GLB1L2: variants seen among roughly 807,000 people sequenced by gnomAD.
GLB1L2 encodes beta-galactosidase-1-like protein 2.
In GLB1L2, 68 loss-of-function variants were observed where a neutral mutation model predicts 84.1. The observed-to-expected ratio is 0.81, with a 90% CI of 0.67 to 0.99. The LOEUF is 0.99. GLB1L2 is among the 50% of genes least tolerant of loss of function. The pLI, the probability that GLB1L2 is intolerant of heterozygous loss-of-function variation, is 0.00. For synonymous variants in GLB1L2, 290 were observed against 318.0 expected (o/e 0.91, Z 0.94); for missense variants, 762 against 805.6 (o/e 0.95, Z 0.66).
intron 7 of GLB1L2, chr11:134,360,952 G>A (rs1466635524): frequency 6.6e-6 from 1 of 152,194 alleles, no homozygotes; most frequent in African/African-American, 2.4e-5. Flanking sequence ...AGGAGATCGA[G>A]ACCAGCCTGC....
At chr11:134,368,539 T>G in intron 9 of GLB1L2, 105 bp from the exon 10 acceptor site, 164 of 1,193,078 alleles carry the variant, frequency 1.4e-4, no homozygotes, top group Non-Finnish European at 1.9e-4. Context: ...AAGTTGGCCT[T>G]GAGGTTTTGA....
In GLB1L2 at chr11:134,369,852, A is replaced by G; in HGVS notation, c.1075A>G (p.Met359Val). 6.2e-7 allele frequency: 1 copy of G among 1,613,770 alleles called. No individual in the cohort carries two copies. The highest frequency in any genetic ancestry group is 8.5e-7 in the Non-Finnish European group (1 of 1,179,668). ...TEAGDYTAKY[M>V]KLRDFFGSIS... is the part of the protein sequence containing the mutation. ...AGCCGGCGATTACACGGCCAAGTAC[A>G]TGAAGCTTCGAGACTTCTTCGGCTC... Residue 359 changes from methionine (M) to valine (V), a missense_variant, in exon 11 of 19, where the codon ATG (methionine) becomes GTG (valine). Met to Val is a conservative substitution (Grantham distance 21). Transcript: ENST00000535456.
In GLB1L2 at chr11:134,359,116, G is replaced by A. The variant is rs954062257; in HGVS notation, c.708G>A (p.Gly236=). 1.9e-6 allele frequency: 3 copies of A among 1,604,626 alleles called. No individual in the cohort carries two copies. Among genetic ancestry groups the A allele is most frequent in the East Asian group, 2.3e-5 (1 of 44,124 alleles). ...ELLLTSDNKD[G]LSKGIVQGVL... ...TCCTGACTTCAGACAACAAGGATGG[G>A]CTGAGCAAGGGGATTGTCCAGGGAG... is the stretch of plus-strand genomic sequence containing the variant. Residue 236 remains glycine (G), a synonymous_variant, in exon 7 of 19, where the codon GGG becomes GGA. Transcript: ENST00000535456.
At chr11:134,340,157 T>TA (rs1270941599) in intron 1 of GLB1L2, among the ~76,000 whole-genome samples, 2 of 152,158 alleles carry the variant, frequency 1.3e-5, no homozygotes, top group African/African-American at 4.8e-5. Flanking sequence ...TTAGGATAAG[T>TA]AATGTGTGCT....
At chr11:134,362,093 T>C (rs536886730) in intron 7 of GLB1L2, among the ~76,000 whole-genome samples, 52 of 152,322 alleles carry the variant, frequency 3.4e-4, no homozygotes, top group Admixed American at 9.8e-4. Context: ...TATTGGGTGC[T>C]TCTGTAGATT....
intron 5 of GLB1L2, among the ~76,000 whole-genome samples, chr11:134,351,301 AT>A (rs1943628066): frequency 6.9e-6 from 1 of 145,402 alleles, no homozygotes; most frequent in Non-Finnish European, 1.5e-5. Context: ...TTTCCTCTTA[AT>A]TTTGTTAATG....
At chr11:134,369,429 G>A (rs1438733587) in intron 10 of GLB1L2, among the ~76,000 whole-genome samples, 3 of 131,198 alleles carry the variant, frequency 2.3e-5, no homozygotes, top group South Asian at 3.2e-4. Context: ...TCCTGGCCTC[G>A]AGCGATCCTC....
At chr11:134,346,320 C>T (rs190259469) in intron 4 of GLB1L2, 87 of 152,834 alleles carry the variant, frequency 5.7e-4, no homozygotes, top group Admixed American at 4.6e-3. Flanking sequence ...TGTGTGCCAC[C>T]GTCAGCGATT....
At chr11:134,333,490 C>T (rs1157559290) in intron 1 of GLB1L2, among the ~76,000 whole-genome samples, 8 of 152,200 alleles carry the variant, frequency 5.3e-5, no homozygotes, top group South Asian at 2.1e-4. Flanking sequence ...GAAAGGCTAG[C>T]GGCTGCAGGC....
chr11:134,352,293 T>TA (rs1943644850), intron 5 of GLB1L2, among the ~76,000 whole-genome samples: 1 of 152,214 alleles, frequency 6.6e-6, no homozygotes, highest in Admixed American at 6.5e-5. Flanking sequence ...AAATCAGCAG[T>TA]AATAGCCTCA....
At position 134,371,460 on chromosome 11, in the gene GLB1L2, A is replaced by G; in HGVS notation, c.1396A>G (p.Lys466Glu). ...AGTATCCATAGGATTCTTGGACTAC[A>G]AGACAACGAAGATTGCTGTCCCCCT... The part of the protein sequence containing the change: ...NTVSIGFLDY[K>E]TTKIAVPLIQ... The change falls in exon 14 of 19, where the codon AAG (lysine) becomes GAG (glutamate). Residue 466 changes from lysine (K) to glutamate (E), a missense_variant. Lys to Glu is a moderately conservative substitution (Grantham distance 56, BLOSUM62 1). Coordinates refer to ENST00000535456, the MANE Select transcript of GLB1L2 (RefSeq NM_001370461.1). 6.2e-6 allele frequency: 10 copies of G among 1,600,482 alleles called. No individual in the cohort carries two copies. The highest frequency in any genetic ancestry group is 8.6e-6 in the Non-Finnish European group (10 of 1,167,546).
At position 134,370,356 on chromosome 11, in the gene GLB1L2, T is replaced by C. The variant is rs775343373; in HGVS notation, c.1172T>C (p.Val391Ala). The C allele has an allele frequency of 7.4e-6, 12 of 1,613,786 alleles. No individual in the cohort carries two copies. The South Asian group carries it at 1.2e-4, about 16-fold the overall frequency. Residue 391 changes from valine (V) to alanine (A), a missense_variant, in exon 12 of 19, where the codon GTC becomes GCC. Transcript: ENST00000535456. This position sits in a 1 kb window ranked among gnomAD's most constrained non-coding sequence, Gnocchi z 4.7. ...PKMPYEPLTP[V>A]LYLSLWDALK... ...ATGCCGTATGAGCCCTTAACGCCAGTCTTGTACCTGTCTCTGTGGGACGCC... is the reference window on the plus strand; with the variant it reads ...ATGCCGTATGAGCCCTTAACGCCAGCCTTGTACCTGTCTCTGTGGGACGCC...
chr11:134,371,375 C>G (rs1283946563), intron 13 of GLB1L2, 46 bp from the exon 14 acceptor site: 8 of 1,298,988 alleles, frequency 6.2e-6, no homozygotes, highest in Middle Eastern at 1.8e-4. Context: ...TCCCGCTTAC[C>G]CTCCTCCTGT....
chr11:134,374,991 C>T lies in GLB1L2; in HGVS notation c.1844C>T (p.Thr615Met), dbSNP rs772933313. Residue 615 changes from threonine to methionine, a missense_variant, in exon 19 of 19, where the codon ACG (threonine) becomes ATG (methionine). Coordinates refer to ENST00000535456, the MANE Select transcript of GLB1L2 (RefSeq NM_001370461.1). The stretch of plus-strand genomic sequence containing the variant: ...CCACAGGTCATCGTTTTTGAGGAGA[C>T]GATGGCGGGCCCTGCATTACAGTTC... ...GINQVIVFEETMAGPALQFTE... is the reference protein window; with the variant it reads ...GINQVIVFEEMMAGPALQFTE... 12 of 1,613,734 alleles carry T rather than the reference C, an allele frequency of 7.4e-6. No homozygotes were observed. The Middle Eastern group carries it at 5.0e-4, about 67-fold the overall frequency.
At chr11:134,351,271 A>G (rs191828926) in intron 5 of GLB1L2, among the ~76,000 whole-genome samples, 6 of 151,574 alleles carry the variant, frequency 4.0e-5, no homozygotes, top group African/African-American at 1.2e-4. Context: ...TTCTGCATCA[A>G]TTGGGATCAT....
Position 134,348,818 on chromosome 11 carries a change from T to C in GLB1L2, c.558+1385T>C, listed in dbSNP as rs1043034503. Among the ~76,000 whole-genome samples the C allele has an allele frequency of 4.6e-5, 7 of 152,280 alleles. No individual in the cohort carries two copies. The East Asian group carries it at 1.4e-3, about 29-fold the overall frequency. On this transcript the variant is annotated intron_variant, in intron 5 of 18. Coordinates refer to ENST00000535456, the MANE Select transcript of GLB1L2 (RefSeq NM_001370461.1). ...ACAAAGCACTGGCAGATTCGGTGTC[T>C]GGAAGGGCCCCCTTCCAGGGCATAT...
chr11:134,367,459 T>C, intron 9 of GLB1L2, 118 bp downstream of exon 9: 1 of 788,690 alleles, frequency 1.3e-6, no homozygotes, highest in Non-Finnish European at 2.0e-6. Context: ...GGATTATCTG[T>C]GTGCAGAAGT....
At chr11:134,353,260 A>T (rs1410808100) in intron 5 of GLB1L2, among the ~76,000 whole-genome samples, 1 of 152,042 alleles carries the variant, frequency 6.6e-6, no homozygotes, top group East Asian at 1.9e-4. Context: ...AAATACAAAA[A>T]TTAGCCAGGT....
In GLB1L2 at chr11:134,364,344, C is replaced by G. The variant is rs776629486; in HGVS notation, c.750C>G (p.Asn250Lys). The change falls in exon 8 of 19, where the codon AAC (asparagine) becomes AAG (lysine). Residue 250 changes from asparagine to lysine, a missense_variant. Physicochemically the swap from Asn to Lys is moderately conservative, Grantham distance 94 (BLOSUM62 0). Coordinates refer to ENST00000535456, the MANE Select transcript of GLB1L2 (RefSeq NM_001370461.1). ...GIVQGVLATI[N>K]LQSTHELQLL... ...CTTTAACAGTCTTGGCCACCATCAA[C>G]TTGCAGTCAACACACGAGCTGCAGC... 1.2e-5 allele frequency: 20 copies of G among 1,613,742 alleles called. No individual in the cohort carries two copies. In the African/African-American group the frequency reaches 2.3e-4, roughly 18 times the overall value.
Sources: gnomAD v4.1 joint callset for allele counts (sites outside exome capture counted in the v4.1 genomes callset) on GRCh38, gnomAD v4.1.1 for gene constraint, Gnocchi (gnomAD v3.1) non-coding constraint, MANE v1.5 for transcripts, NCBI Gene and HGNC (gene_info 2026-07-23, HGNC 2026-07-21) for gene names.